Variants in SLC2A2 observed in about 807,000 individuals in gnomAD.
The protein encoded by SLC2A2 is solute carrier family 2, facilitated glucose transporter member 2.
Under a neutral mutation model 54.5 loss-of-function variants are expected in SLC2A2, and 36 were observed. The observed-to-expected ratio is 0.66, with a 90% CI of 0.51 to 0.87. SLC2A2 has a LOEUF of 0.87. SLC2A2 is among the 40% of genes least tolerant of loss of function. The pLI is 0.00. For missense variants in SLC2A2, 543 were observed against 624.3 expected, an observed-to-expected ratio of 0.87 and a Z score of 1.39; for synonymous variants, 223 against 219.1, an observed-to-expected ratio of 1.02 and a Z score of -0.16.
At chr3:171,005,741 G>A (rs928047020) in intron 6 of SLC2A2, among the ~76,000 whole-genome samples, 1 of 152,006 alleles carries the variant, frequency 6.6e-6, no homozygotes, top group African/African-American at 2.4e-5. Context: ...ACCTCTGGTT[G>A]AGTCTAATAC....
At chr3:171,005,890 T>G (rs1715575221) in intron 6 of SLC2A2, 53 bp downstream of exon 6, 1 of 1,539,896 alleles carries the variant, frequency 6.5e-7, no homozygotes, top group Non-Finnish European at 9.0e-7. Context: ...TGTTTTACAT[T>G]AGCTGATAAT....
chr3:171,013,120 C>A (rs944495109), intron 3 of SLC2A2, among the ~76,000 whole-genome samples: 5 of 151,830 alleles, frequency 3.3e-5, no homozygotes, highest in Admixed American at 6.6e-5. Context: ...TATTTTAGAA[C>A]GTAATTTAAT....
intron 6 of SLC2A2, among the ~76,000 whole-genome samples, chr3:171,005,738 G>T (rs115316723): frequency 0.011 from 1,662 of 152,058 alleles, 32 homozygotes; most frequent in African/African-American, 0.038. Context: ...GAAACCTCTG[G>T]TTGAGTCTAA....
chr3:171,024,293 T>G (rs1237009569), intron 1 of SLC2A2, among the ~76,000 whole-genome samples: 1 of 152,224 alleles, frequency 6.6e-6, no homozygotes, highest in East Asian at 1.9e-4. Flanking sequence ...GTGTCAACTT[T>G]TCATACTTTA....
Position 171,005,376 on chromosome 3 carries a change from A to T in SLC2A2, c.872T>A (p.Ile291Lys), listed in dbSNP as rs760061096. The part of the protein sequence containing the change: ...EEASSEQKVS[I>K]IQLFTNSSYR... ...GCTGGAATTGGTGAAGAGCTGAATT[A>T]TAGAGACTTTCTGCTCACTCGATGC... Residue 291 changes from isoleucine (I) to lysine (K), a missense_variant, in exon 7 of 11, where the codon ATA becomes AAA. Around this residue, in one of 3 missense-constraint regions of SLC2A2, gnomAD observed 318 missense variants for 343.8 expected, o/e 0.93. Transcript: ENST00000314251. The T allele has an allele frequency of 1.3e-5, 21 of 1,612,600 alleles. No individual in the cohort carries two copies. Among genetic ancestry groups the T allele is most frequent in the Non-Finnish European group, 1.8e-5 (21 of 1,179,034 alleles).
At chr3:171,023,174 T>G (rs1366461059) in intron 1 of SLC2A2, among the ~76,000 whole-genome samples, 1 of 152,220 alleles carries the variant, frequency 6.6e-6, no homozygotes, top group Non-Finnish European at 1.5e-5. Context: ...CTGCAGTTCC[T>G]TATTTTAACT....
chr3:170,999,292 C>T, intron 8 of SLC2A2, 126 bp from the exon 9 acceptor site: 1 of 719,312 alleles, frequency 1.4e-6, no homozygotes. Flanking sequence ...CAATTCCATC[C>T]TTCCATTTTA....
intron 3 of SLC2A2, among the ~76,000 whole-genome samples, chr3:171,013,998 TGGGAGTTG>T (rs1716011359): frequency 6.6e-6 from 1 of 151,040 alleles, no homozygotes; most frequent in African/African-American, 2.4e-5. Flanking sequence ...ATTGGGCAAT[TGGGAGTTG>T]GGGATGTTGA....
chr3:171,008,247 C>T (rs1315607592), intron 4 of SLC2A2, among the ~76,000 whole-genome samples: 1 of 151,970 alleles, frequency 6.6e-6, no homozygotes, highest in African/African-American at 2.4e-5. Context: ...TCAAATTGTT[C>T]TTAATGTCTC....
At chr3:171,008,637 A>G (rs1335838488) in intron 4 of SLC2A2, among the ~76,000 whole-genome samples, 1 of 152,070 alleles carries the variant, frequency 6.6e-6, no homozygotes, top group Non-Finnish European at 1.5e-5. Context: ...AACATTTTGT[A>G]TATTTTTTTC....
intron 3 of SLC2A2, among the ~76,000 whole-genome samples, chr3:171,012,356 C>A (rs944743071): frequency 7.2e-5 from 11 of 152,116 alleles, no homozygotes; most frequent in Non-Finnish European, 2.9e-5. Context: ...CTGTGTGAAA[C>A]CAAAGGGTAA....
intron 3 of SLC2A2, 32 bp downstream of exon 3, chr3:171,014,437 T>C (rs751803113): frequency 1.5e-5 from 24 of 1,609,110 alleles, no homozygotes; most frequent in Non-Finnish European, 2.0e-5. Context: ...TATGAAAGTT[T>C]CTGTTTATGC....
At chr3:171,013,360 T>C (rs965728796) in intron 3 of SLC2A2, among the ~76,000 whole-genome samples, 3 of 152,128 alleles carry the variant, frequency 2.0e-5, no homozygotes, top group Admixed American at 1.3e-4. Flanking sequence ...GTATTTAAAG[T>C]TCAACTGAAC....
At chr3:171,016,465 T>C (rs1056007814) in intron 2 of SLC2A2, among the ~76,000 whole-genome samples, 1 of 152,138 alleles carries the variant, frequency 6.6e-6, no homozygotes, top group Admixed American at 6.6e-5. Flanking sequence ...GGCTGCCTTA[T>C]ATGAATAATA....
At position 171,022,123 on chromosome 3, in the gene SLC2A2, A is replaced by G. The variant is rs143403248; in HGVS notation, c.16-3500T>C. Among the ~76,000 whole-genome samples, 228 of 152,280 alleles carry G rather than the reference A, an allele frequency of 1.5e-3. 2 individuals are homozygous for G. Among genetic ancestry groups the G allele is most frequent in the African/African-American group, 5.2e-3 (218 of 41,580 alleles). On this transcript the variant is annotated intron_variant, in intron 1 of 10. Transcript: ENST00000314251. ...GATTATTCTGTCTACCACATTCTTC[A>G]TGGCAGCACCATTAATGTCCCCATT...
intron 1 of SLC2A2, among the ~76,000 whole-genome samples, chr3:171,020,404 A>G (rs917920584): frequency 6.6e-6 from 1 of 152,080 alleles, no homozygotes; most frequent in Non-Finnish European, 1.5e-5. Context: ...GGGAATCTGT[A>G]GGTTTACAAA....
chr3:171,019,157 G>A (rs1014160779), intron 1 of SLC2A2, among the ~76,000 whole-genome samples: 22 of 81,938 alleles, frequency 2.7e-4, no homozygotes, highest in African/African-American at 8.8e-4. Context: ...ATATATATAC[G>A]TATGTATATA....
intron 2 of SLC2A2, among the ~76,000 whole-genome samples, chr3:171,017,602 CTCTG>C (rs1161441188): frequency 2.0e-5 from 3 of 152,202 alleles, no homozygotes; most frequent in African/African-American, 7.2e-5. Context: ...GGTTCCTCTT[CTCTG>C]TCTTTCATTA....
In SLC2A2 at chr3:171,006,102, T is replaced by C; in HGVS notation, c.616A>G (p.Ile206Val). The C allele has an allele frequency of 6.2e-7, 1 of 1,611,736 alleles. No individual in the cohort carries two copies. The highest frequency in any genetic ancestry group is 8.5e-7 in the Non-Finnish European group (1 of 1,178,500). Reference sequence around the variant, plus strand: ...TTGCCCAAGATAAATTCAAGACCAATAATCTGAAAATGCAAGGAGGAAGTA... The same window carrying C: ...TTGCCCAAGATAAATTCAAGACCAACAATCTGAAAATGCAAGGAGGAAGTA... ...IVTGILISQI[I>V]GLEFILGNYD... is the part of the protein sequence containing the mutation. The change falls in exon 6 of 11, where the codon ATT becomes GTT. Residue 206 changes from isoleucine (I) to valine (V), a missense_variant. Physicochemically the swap from Ile to Val is conservative, Grantham distance 29. Transcript: ENST00000314251.
Sources: gnomAD v4.1 joint callset for allele counts (sites outside exome capture counted in the v4.1 genomes callset) on GRCh38, gnomAD v4.1.1 for gene constraint, gnomAD v4.1.1 regional missense constraint, MANE v1.5 for transcripts, NCBI Gene and HGNC (gene_info 2026-07-23, HGNC 2026-07-21) for gene names.